Variants in KHDRBS2 observed in about 807,000 individuals in gnomAD.
The protein encoded by KHDRBS2 is KH RNA binding domain containing, signal transduction associated 2.
Under a neutral mutation model 44.3 loss-of-function variants are expected in KHDRBS2, and 26 were observed. That is an observed-to-expected ratio of 0.59 (90% CI 0.43 to 0.81). The LOEUF (loss-of-function observed/expected upper bound fraction) is 0.81, where lower values mean the gene tolerates loss of function less well. Ranked by LOEUF, KHDRBS2 falls within the 40% of genes least tolerant of loss-of-function variation. KHDRBS2 has a pLI of 0.00. For missense variants in KHDRBS2, 476 were observed against 433.1 expected (o/e 1.10, Z -0.88); for synonymous variants, 194 against 151.1 (o/e 1.28, Z -2.08).
chr6:62,184,589 C>A (rs1208590704), intron 1 of KHDRBS2, among the ~76,000 whole-genome samples: 1 of 151,604 alleles, frequency 6.6e-6, no homozygotes, highest in African/African-American at 2.4e-5. Flanking sequence ...AAACAGAAGC[C>A]AATCTTTGCT....
intron 6 of KHDRBS2, among the ~76,000 whole-genome samples, chr6:61,862,390 T>C (rs1186676652): frequency 6.6e-6 from 1 of 152,168 alleles, no homozygotes; most frequent in Non-Finnish European, 1.5e-5. Flanking sequence ...CATGCTTGTC[T>C]TGTGCAGGTT....
At chr6:61,911,034 A>G (rs1409959196) in intron 4 of KHDRBS2, among the ~76,000 whole-genome samples, 3 of 152,190 alleles carry the variant, frequency 2.0e-5, no homozygotes, top group Non-Finnish European at 4.4e-5. Context: ...GATAGTTCTC[A>G]GTATGATCTC....
chr6:61,908,629 G>A (rs1216061851), intron 4 of KHDRBS2, among the ~76,000 whole-genome samples: 2 of 59,912 alleles, frequency 3.3e-5, no homozygotes, highest in African/African-American at 8.6e-5. Flanking sequence ...GTGAGATTCC[G>A]TCTCAAAAAA....
chr6:61,593,740 GTGTC>G, the KHDRBS2 span, among the ~76,000 whole-genome samples: 1 of 152,220 alleles, frequency 6.6e-6, no homozygotes, highest in African/African-American at 2.4e-5. Flanking sequence ...ACCAAAGACA[GTGTC>G]TGTAATATCT....
At chr6:61,980,789 A>G (rs572422166) in intron 3 of KHDRBS2, among the ~76,000 whole-genome samples, 1 of 152,326 alleles carries the variant, frequency 6.6e-6, no homozygotes, top group East Asian at 1.9e-4. Flanking sequence ...TGCAGGACAG[A>G]GGACTGACTT....
At chr6:61,963,208 T>A (rs1195593727) in intron 4 of KHDRBS2, among the ~76,000 whole-genome samples, 3 of 152,084 alleles carry the variant, frequency 2.0e-5, no homozygotes, top group East Asian at 3.9e-4. Context: ...GATAAACTCC[T>A]GGTTTAATGT....
chr6:61,581,694 T>A, the KHDRBS2 span, among the ~76,000 whole-genome samples: 1 of 149,616 alleles, frequency 6.7e-6, no homozygotes, highest in Non-Finnish European at 1.5e-5. Context: ...TAGAAAGAAA[T>A]AAATTGACTT....
rs201415389 is a variant in KHDRBS2, at chr6:61,893,901, TAAA to T, written c.810+731_810+733del. ...TACCCTAAAACTTAAAGTATAATAA[TAAA>T]AAAAAAAACATTTACAGAAGACTTC... On this transcript the variant is annotated intron_variant, in intron 6 of 8. Transcript: ENST00000281156. 1.7e-3 allele frequency among the ~76,000 whole-genome samples: 238 copies of T among 142,578 alleles called. 7 individuals carry two copies. In the South Asian group the frequency reaches 0.049, roughly 29 times the overall value. The allele number at this position is 142,578 out of a possible 152,430, so 93.5% of individuals were successfully genotyped here.
chr6:61,888,560 C>T (rs1005148575), intron 6 of KHDRBS2, among the ~76,000 whole-genome samples: 2 of 114,788 alleles, frequency 1.7e-5, no homozygotes, highest in African/African-American at 6.9e-5. Flanking sequence ...TTTTCTAATT[C>T]CTTTTTTTTT....
intron 2 of KHDRBS2, among the ~76,000 whole-genome samples, chr6:62,165,995 T>C (rs1290276823): frequency 1.3e-5 from 2 of 152,050 alleles, no homozygotes; most frequent in Non-Finnish European, 2.9e-5. Context: ...CTGTAACCGC[T>C]ATTCCACTTT....
intron 6 of KHDRBS2, among the ~76,000 whole-genome samples, chr6:61,747,446 G>T (rs1346952637): frequency 2.0e-5 from 3 of 152,066 alleles, no homozygotes; most frequent in South Asian, 2.1e-4. Context: ...CTTCAGTTCT[G>T]ATCTTTAGTA....
intron 2 of KHDRBS2, among the ~76,000 whole-genome samples, chr6:62,105,322 C>G (rs534687825): frequency 3.9e-5 from 6 of 152,242 alleles, no homozygotes; most frequent in Non-Finnish European, 7.4e-5. Context: ...AAAATTCACA[C>G]AAATATCCCT....
chr6:62,258,915 G>A lies in KHDRBS2; in HGVS notation c.91+26943C>T, dbSNP rs375372863. On this transcript the variant is annotated intron_variant, in intron 1 of 8. Coordinates refer to ENST00000281156, the MANE Select transcript of KHDRBS2 (RefSeq NM_152688.4). Reference sequence around the variant, plus strand: ...GACAGCATTCTGGAGCATACCCAGTGATGGTACAGAAATAGACCTCAGGTG... The same window carrying A: ...GACAGCATTCTGGAGCATACCCAGTAATGGTACAGAAATAGACCTCAGGTG... Among the ~76,000 whole-genome samples, 305 of 152,128 alleles carry A rather than the reference G, an allele frequency of 2.0e-3. 10 individuals carry two copies. In the South Asian group the frequency reaches 0.06, roughly 30 times the overall value.
chr6:62,016,634 T>A (rs1475282526), intron 3 of KHDRBS2, among the ~76,000 whole-genome samples: 1 of 149,424 alleles, frequency 6.7e-6, no homozygotes, highest in Non-Finnish European at 1.5e-5. Context: ...TACTTGGATA[T>A]TAATATTATA....
the KHDRBS2 span, among the ~76,000 whole-genome samples, chr6:61,610,206 A>G: frequency 1.9e-5 from 1 of 51,960 alleles, no homozygotes; most frequent in Non-Finnish European, 4.9e-5. Context: ...AAAATTGAAA[A>G]CAAAACTTGA....
intron 1 of KHDRBS2, among the ~76,000 whole-genome samples, chr6:62,202,409 T>G (rs1827180515): frequency 6.6e-6 from 1 of 152,116 alleles, no homozygotes; most frequent in African/African-American, 2.4e-5. Context: ...CCAGTTTCCT[T>G]TTAAAATATT....
intron 1 of KHDRBS2, among the ~76,000 whole-genome samples, chr6:62,220,406 T>C (rs1830714814): frequency 6.6e-6 from 1 of 151,882 alleles, no homozygotes; most frequent in Non-Finnish European, 1.5e-5. Flanking sequence ...GTAACAATAT[T>C]TTGGTGGAAA....
At chr6:62,098,648 G>A (rs555007702) in intron 2 of KHDRBS2, among the ~76,000 whole-genome samples, 13 of 152,186 alleles carry the variant, frequency 8.5e-5, no homozygotes, top group Non-Finnish European at 1.3e-4. Flanking sequence ...TAATCTAAGC[G>A]GCTTTTGGCC....
intron 4 of KHDRBS2, among the ~76,000 whole-genome samples, chr6:61,913,649 C>T (rs2127353165): frequency 6.6e-6 from 1 of 151,932 alleles, no homozygotes; most frequent in East Asian, 1.9e-4. Context: ...AATAAGTAAT[C>T]TTAGTTCAGA....
Sources: gnomAD v4.1 joint callset for allele counts (sites outside exome capture counted in the v4.1 genomes callset) on GRCh38, gnomAD v4.1.1 for gene constraint, MANE v1.5 for transcripts, NCBI Gene and HGNC (gene_info 2026-07-23, HGNC 2026-07-21) for gene names.